RBM28: variants seen among roughly 807,000 people sequenced by gnomAD.
RBM28 encodes the protein RNA binding motif protein 28, also known as RNA-binding protein 28.
A neutral mutation model predicts 98.3 loss-of-function variants in RBM28; 78 were observed. That is an observed-to-expected ratio of 0.79 (90% CI 0.66 to 0.96). The LOEUF (loss-of-function observed/expected upper bound fraction) is 0.96. Among genes scored for constraint, RBM28 ranks in the 40% least tolerant of loss-of-function variants. The pLI is 0.00. For missense variants in RBM28, 838 were observed against 913.0 expected, an observed-to-expected ratio of 0.92 and a Z score of 1.06; for synonymous variants, 306 against 330.9, an observed-to-expected ratio of 0.92 and a Z score of 0.82.
At chr7:128,312,986 T>C in intron 18 of RBM28, 189 bp downstream of exon 18, 1 of 624,888 alleles carries the variant, frequency 1.6e-6, no homozygotes, top group Non-Finnish European at 2.8e-6. Flanking sequence ...CAGGAACAGA[T>C]ACGTGGAGGT....
Position 128,339,258 on chromosome 7 carries a change from G to C in RBM28, c.341C>G (p.Ala114Gly), listed in dbSNP as rs779203130. Residue 114 changes from alanine to glycine, a missense_variant, in exon 3 of 19, where the codon GCC (alanine) becomes GGC (glycine). Physicochemically the swap from Ala to Gly is moderately conservative, Grantham distance 60 (BLOSUM62 0). Coordinates refer to ENST00000223073, the MANE Select transcript of RBM28 (RefSeq NM_018077.3). ...AKKAKVADKK[A>G]RLIIRNLSFK... ...GCTCAGGTTCCGAATAATTAATCTGGCTTTCTTATCTGCCACTTTGGCTTT... is the reference window on the plus strand; with the variant it reads ...GCTCAGGTTCCGAATAATTAATCTGCCTTTCTTATCTGCCACTTTGGCTTT... 6.2e-7 allele frequency: 1 copy of C among 1,613,322 alleles called. No homozygotes were observed. Among genetic ancestry groups the C allele is most frequent in the Admixed American group, 1.7e-5 (1 of 60,020 alleles).
rs765342259 is a variant in RBM28, at chr7:128,339,776, C to T, written c.134G>A (p.Arg45Gln). Reference sequence around the variant, plus strand: ...TGAAAAAGTGACATAGCCAAAGCCTCGACATGCCTTACTCCCTGGAATAAT... The same window carrying T: ...TGAAAAAGTGACATAGCCAAAGCCTTGACATGCCTTACTCCCTGGAATAAT... ...VVTEKGSKACRGFGYVTFSML... is the reference protein window; with the variant it reads ...VVTEKGSKACQGFGYVTFSML... Residue 45 changes from arginine to glutamine, a missense_variant, in exon 2 of 19, where the codon CGA becomes CAA. Transcript: ENST00000223073. 6.4e-5 allele frequency: 103 copies of T among 1,613,886 alleles called. No individual in the cohort carries two copies. Among genetic ancestry groups the T allele is most frequent in the Non-Finnish European group, 7.8e-5 (92 of 1,179,950 alleles).
intron 11 of RBM28, among the ~76,000 whole-genome samples, chr7:128,325,128 G>A (rs937549504): frequency 3.3e-5 from 5 of 152,192 alleles, no homozygotes; most frequent in African/African-American, 1.2e-4. Context: ...CATCAATTAC[G>A]CTATGGAAGC....
In RBM28 at chr7:128,307,984, C is replaced by T. The variant is rs1342531462; in HGVS notation, c.*2813G>A. The T allele has an allele frequency of 6.6e-6, 1 of 152,170 alleles. No homozygotes were observed. The highest frequency in any genetic ancestry group is 6.5e-5 in the Admixed American group (1 of 15,270). 9.4% of individuals were successfully genotyped at this position (152,170 alleles called of 1,614,324 possible). A position where few individuals can be genotyped will look rare whatever the true frequency, so the allele number is the denominator to read the frequency against. On this transcript the variant is annotated 3_prime_UTR_variant, in exon 19 of 19. Transcript: ENST00000223073. ...ACCAAGCAATCTGCAACTCAACTTTCATGTTAATTCAGAAAACTCCATTTC... is the reference window on the plus strand; with the variant it reads ...ACCAAGCAATCTGCAACTCAACTTTTATGTTAATTCAGAAAACTCCATTTC...
At chr7:128,333,989 A>G (rs1450513512) in intron 8 of RBM28, among the ~76,000 whole-genome samples, 2 of 152,246 alleles carry the variant, frequency 1.3e-5, no homozygotes, top group African/African-American at 4.8e-5. Flanking sequence ...ATACACATAC[A>G]ATCACACACA....
At chr7:128,313,736 T>C (rs1249678543) in intron 17 of RBM28, among the ~76,000 whole-genome samples, 2 of 152,194 alleles carry the variant, frequency 1.3e-5, no homozygotes, top group East Asian at 3.9e-4. Flanking sequence ...GACTCCTTCA[T>C]GAATGGTTTA....
chr7:128,321,383 G>A lies in RBM28; in HGVS notation c.1446C>T (p.Ile482=), dbSNP rs755061584. ...GGCAGAGCCTGGTTCGGGAGACAAA[G>A]ATATTCTGGTCCTTGAGTTTCTGAT... The part of the protein sequence containing the change: ...LKHQKLKDQN[I]FVSRTRLCLH... The change falls in exon 14 of 19, where the codon ATC becomes ATT. Residue 482 remains isoleucine, a synonymous_variant. Coordinates refer to ENST00000223073, the MANE Select transcript of RBM28 (RefSeq NM_018077.3). The A allele has an allele frequency of 6.8e-6, 11 of 1,614,196 alleles. No homozygotes were observed. Among genetic ancestry groups the A allele is most frequent in the Non-Finnish European group, 8.5e-6 (10 of 1,180,030 alleles).
rs967240821 is a variant in RBM28, at chr7:128,301,136, G to C, written c.*9661C>G. On this transcript the variant is annotated 3_prime_UTR_variant, in exon 19 of 19. Transcript: ENST00000223073. ...GAAATTAGCCAATCACCCTGGAAGT[G>C]GGCAACCAGTCTTTCTCCCCTTTCC... is the stretch of plus-strand genomic sequence containing the variant. The C allele has an allele frequency of 3.3e-5, 5 of 152,244 alleles. No homozygotes were observed. In the East Asian group the frequency reaches 9.6e-4, roughly 29 times the overall value. The allele number at this position is 152,244 out of a possible 1,614,324, so 9.4% of individuals were successfully genotyped here.
chr7:128,336,181 G>C (rs1238011508), intron 6 of RBM28, 139 bp from the exon 7 acceptor site: 1 of 783,682 alleles, frequency 1.3e-6, no homozygotes, highest in South Asian at 1.8e-5. Flanking sequence ...GCATATAACA[G>C]GAGAAAGTAT....
At chr7:128,336,073 C>A (rs1796595177) in intron 6 of RBM28, 31 bp from the exon 7 acceptor site, 1 of 1,562,330 alleles carries the variant, frequency 6.4e-7, no homozygotes, top group East Asian at 2.2e-5. Context: ...AGGAGGAATT[C>A]ATTTAATATC....
At chr7:128,327,696 C>A (rs1297549985) in intron 10 of RBM28, among the ~76,000 whole-genome samples, 1 of 152,052 alleles carries the variant, frequency 6.6e-6, no homozygotes, top group Non-Finnish European at 1.5e-5. Flanking sequence ...GACAGGGTTT[C>A]TCCATGTTGG....
In RBM28 at chr7:128,330,672, T is replaced by C. The variant is rs1796461189; in HGVS notation, c.1129+147A>G. 7.1e-6 allele frequency: 5 copies of C among 707,544 alleles called. No homozygotes were observed. The Admixed American group carries it at 1.0e-4, about 15-fold the overall frequency. The allele number at this position is 707,544 out of a possible 1,614,324, so 43.8% of individuals were successfully genotyped here. A position where few individuals can be genotyped will look rare whatever the true frequency, so the allele number is the denominator to read the frequency against. On this transcript the variant is annotated intron_variant, in intron 10 of 18. Transcript: ENST00000223073. ...CAGGCGTGAGCCAGCGTGCCCGGCG[T>C]CCCTGGTACTTTTATAGAACCCAGA...
intron 9 of RBM28, 60 bp from the exon 10 acceptor site, chr7:128,330,988 T>A: frequency 8.9e-7 from 1 of 1,124,340 alleles, no homozygotes; most frequent in Non-Finnish European, 1.4e-6. Flanking sequence ...GATCCTATGT[T>A]CCAGGACAAT....
In RBM28 at chr7:128,335,914, C is replaced by G. The variant is rs376483390; in HGVS notation, c.742G>C (p.Asp248His). 5.0e-6 allele frequency: 8 copies of G among 1,611,688 alleles called. No individual in the cohort carries two copies. Among genetic ancestry groups the G allele is most frequent in the African/African-American group, 1.3e-5 (1 of 74,826 alleles). Residue 248 changes from aspartate (D) to histidine (H), a missense_variant, in exon 7 of 19, where the codon GAT (aspartate) becomes CAT (histidine). By Grantham distance (81) the Asp-to-His change is moderately conservative (BLOSUM62 -1). Coordinates refer to ENST00000223073, the MANE Select transcript of RBM28 (RefSeq NM_018077.3). ...DDDDEEDGVFDDEDEEEENIE... is the reference protein window; with the variant it reads ...DDDDEEDGVFHDEDEEEENIE... ...TTCTCTTCCTCTTCATCTTCATCAT[C>G]AAAAACCCCATCTTCTTCATCATCA...
At chr7:128,317,549 A>T (rs2290225) in intron 16 of RBM28, 110 bp downstream of exon 16, 25 of 830,144 alleles carry the variant, frequency 3.0e-5, no homozygotes, top group Non-Finnish European at 4.5e-5. Flanking sequence ...GGGAACTAGG[A>T]GCAAAAAAAC....
intron 10 of RBM28, 87 bp from the exon 11 acceptor site, chr7:128,325,978 G>C: frequency 9.7e-7 from 1 of 1,025,988 alleles, no homozygotes; most frequent in Non-Finnish European, 1.5e-6. Context: ...GCCTGACACA[G>C]AGTGGAAGGG....
Position 128,321,298 on chromosome 7 carries a change from T to C in RBM28, c.1531A>G (p.Thr511Ala), listed in dbSNP as rs775125841. 9 of 1,614,206 alleles carry C rather than the reference T, an allele frequency of 5.6e-6. No individual in the cohort carries two copies. Among genetic ancestry groups the C allele is most frequent in the Non-Finnish European group, 7.6e-6 (9 of 1,180,008 alleles). The part of the protein sequence containing the change: ...KQLRKLLLSA[T>A]SGEKGVRIKE... ...ATGCGCACCCCTTTCTCTCCACTAG[T>C]AGCACTCAGCAGCAGCTTTCTGAGC... Residue 511 changes from threonine to alanine, a missense_variant, in exon 14 of 19, where the codon ACT becomes GCT. By Grantham distance (58) the Thr-to-Ala change is moderately conservative. Coordinates refer to ENST00000223073, the MANE Select transcript of RBM28 (RefSeq NM_018077.3).
chr7:128,312,504 C>T (rs1796006582), intron 18 of RBM28, among the ~76,000 whole-genome samples: 1 of 152,038 alleles, frequency 6.6e-6, no homozygotes, highest in African/African-American at 2.4e-5. Context: ...AGTTAAATGA[C>T]ACCACAAAGA....
intron 9 of RBM28, among the ~76,000 whole-genome samples, chr7:128,332,456 T>A (rs1796501086): frequency 6.6e-6 from 1 of 151,994 alleles, no homozygotes. Context: ...GCGTTTTAAG[T>A]GATTCTCGTG....
Sources: gnomAD v4.1 joint callset for allele counts (sites outside exome capture counted in the v4.1 genomes callset) on GRCh38, gnomAD v4.1.1 for gene constraint, MANE v1.5 for transcripts, NCBI Gene and HGNC (gene_info 2026-07-23, HGNC 2026-07-21) for gene names.